Variants in ST6GALNAC4 observed in about 807,000 individuals in gnomAD.
ST6GALNAC4 encodes ST6 N-acetylgalactosaminide alpha-2,6-sialyltransferase 4.
A neutral mutation model predicts 30.4 loss-of-function variants in ST6GALNAC4; 24 were observed. The observed-to-expected ratio is 0.79, with a 90% CI of 0.57 to 1.11. The LOEUF (loss-of-function observed/expected upper bound fraction) is 1.11. ST6GALNAC4 is among the 50% of genes most tolerant of loss of function. The pLI is 0.00. For missense variants in ST6GALNAC4, 365 were observed against 430.1 expected (o/e 0.85, Z 1.34); for synonymous variants, 156 against 179.7 (o/e 0.87, Z 1.05).
intron 4 of ST6GALNAC4, among the ~76,000 whole-genome samples, 190 bp downstream of exon 4, chr9:127,912,078 G>C (rs1260386837): frequency 6.6e-6 from 1 of 152,182 alleles, no homozygotes; most frequent in Non-Finnish European, 1.5e-5. Context: ...TGGGATTCTA[G>C]ATCTGTGTGA....
rs753143885 is a variant in ST6GALNAC4 at position 127,908,396 on chromosome 9, T to A, written c.905A>T (p.Glu302Val). 6.5e-7 allele frequency: 1 copy of A among 1,547,462 alleles called. No homozygotes were observed. The highest frequency in any genetic ancestry group is 1.2e-5 in the South Asian group (1 of 83,062). Residue 302 changes from glutamate (E) to valine (V), a missense_variant, in exon 6 of 6, where the codon GAG becomes GTG. By Grantham distance (121) the Glu-to-Val change is moderately radical. Transcript: ENST00000335791. The stretch of plus-strand genomic sequence containing the variant: ...CGACTGGCAGGACGACGGAAGCTAC[T>A]CAGTCCTCCAGGACGGATGGGCGAA... Reference protein sequence around the residue: ...IVFAHPSWRTE With the variant: ...IVFAHPSWRTV
At chr9:127,909,839 C>G in intron 5 of ST6GALNAC4, 112 bp downstream of exon 5, 2 of 1,048,384 alleles carry the variant, frequency 1.9e-6, no homozygotes, top group East Asian at 2.6e-5. Flanking sequence ...GGTCACCCAC[C>G]ATGAAGCCCA....
intron 2 of ST6GALNAC4, 153 bp downstream of exon 2, chr9:127,916,255 G>T (rs1831192300): frequency 2.0e-6 from 2 of 977,054 alleles, no homozygotes; most frequent in African/African-American, 1.6e-5. Flanking sequence ...CGGTCTGCAA[G>T]AACAGGGTTG....
chr9:127,914,904 C>T (rs548321220), intron 2 of ST6GALNAC4, 63 bp from the exon 3 acceptor site: 33 of 1,383,168 alleles, frequency 2.4e-5, no homozygotes, highest in African/African-American at 1.6e-4. Context: ...GCCCCTTCAG[C>T]GCTGCACCTG....
chr9:127,910,066 T>TGGCGGGGG lies in ST6GALNAC4; in HGVS notation c.612-16_612-9dup. On this transcript the variant is annotated splice_polypyrimidine_tract_variant and intron_variant, in intron 4 of 5. Coordinates refer to ENST00000335791, the MANE Select transcript of ST6GALNAC4 (RefSeq NM_175039.4). ...AAGGAGCCCGACTGCCTCCTGGGGG[T>TGGCGGGGG]GGCGGGGGGACAGGGGGACGCTGTC... The TGGCGGGGG allele has an allele frequency of 6.2e-7, 1 of 1,611,580 alleles. No homozygotes were observed. The highest frequency in any genetic ancestry group is 8.5e-7 in the Non-Finnish European group (1 of 1,179,294).
chr9:127,909,314 G>A lies in ST6GALNAC4; in HGVS notation c.719+637C>T, dbSNP rs530869940. Among the ~76,000 whole-genome samples the A allele has an allele frequency of 1.8e-3, 272 of 151,192 alleles. 1 individual carries two copies. Among genetic ancestry groups the A allele is most frequent in the African/African-American group, 6.2e-3 (256 of 41,270 alleles). On this transcript the variant is annotated intron_variant, in intron 5 of 5. Transcript: ENST00000335791. ...TGAGGCAGGAGAATCGCTTGAACCCGGGAGGTGGAGGTTGCAGTGAGCCAA... is the reference window on the plus strand; with the variant it reads ...TGAGGCAGGAGAATCGCTTGAACCCAGGAGGTGGAGGTTGCAGTGAGCCAA...
Position 127,916,960 on chromosome 9 carries a change from C to G in ST6GALNAC4, c.-210G>C, listed in dbSNP as rs1177649028. 6.4e-6 allele frequency: 1 copy of G among 156,396 alleles called. No homozygotes were observed. Among genetic ancestry groups the G allele is most frequent in the Non-Finnish European group, 1.4e-5 (1 of 70,194 alleles). The allele number at this position is 156,396 out of a possible 1,614,324, so 9.7% of individuals were successfully genotyped here. A position where few individuals can be genotyped will look rare whatever the true frequency, so the allele number is the denominator to read the frequency against. On this transcript the variant is annotated 5_prime_UTR_variant, in exon 1 of 6. Transcript: ENST00000335791. ...TGCAGGCTGGGGTTCGCAGGAGGCT[C>G]GCGATCCGCCGCTCGGAGCTCCATG...
chr9:127,914,958 A>G, intron 2 of ST6GALNAC4, 117 bp from the exon 3 acceptor site: 13 of 937,022 alleles, frequency 1.4e-5, no homozygotes, highest in Non-Finnish European at 1.9e-5. Context: ...AGCAGCTCCT[A>G]GAACAGCAGC....
At position 127,912,472 on chromosome 9, in the gene ST6GALNAC4, T is replaced by A; in HGVS notation, c.407A>T (p.Tyr136Phe). 3 of 1,613,902 alleles carry A rather than the reference T, an allele frequency of 1.9e-6. No homozygotes were observed. The highest frequency in any genetic ancestry group is 2.5e-6 in the Non-Finnish European group (3 of 1,179,888). ...HTSVPLLLRN[Y>F]SHYFQKARDT... ...TCGGGCCTTCTGGAAGTAGTGTGAA[T>A]AGTTGCGCAGCAGCAGCGGCACGCT... The change falls in exon 4 of 6, where the codon TAT (tyrosine) becomes TTT (phenylalanine). Residue 136 changes from tyrosine (Y) to phenylalanine (F), a missense_variant. Coordinates refer to ENST00000335791, the MANE Select transcript of ST6GALNAC4 (RefSeq NM_175039.4).
rs1437214988 is a variant in ST6GALNAC4 at position 127,908,588 on chromosome 9, G to C, written c.720-7C>G. Reference sequence around the variant, plus strand: ...TGAGGGGTGGCTCTTCTCCCTGCGGGGTGGGGAACAGGGCTGGGGTGGGAC... The same window carrying C: ...TGAGGGGTGGCTCTTCTCCCTGCGGCGTGGGGAACAGGGCTGGGGTGGGAC... On this transcript the variant is annotated splice_region_variant and splice_polypyrimidine_tract_variant and intron_variant, in intron 5 of 5. Coordinates refer to ENST00000335791, the MANE Select transcript of ST6GALNAC4 (RefSeq NM_175039.4). The C allele has an allele frequency of 7.7e-6, 12 of 1,565,370 alleles. No individual in the cohort carries two copies. Among genetic ancestry groups the C allele is most frequent in the Non-Finnish European group, 1.0e-5 (12 of 1,146,058 alleles).
At chr9:127,911,479 T>C (rs1368890761) in intron 4 of ST6GALNAC4, among the ~76,000 whole-genome samples, 2 of 152,176 alleles carry the variant, frequency 1.3e-5, no homozygotes, top group South Asian at 2.1e-4. Flanking sequence ...GGGCTGTTAT[T>C]GCTCTGTTTT....
rs367617036 is a variant in ST6GALNAC4, at chr9:127,910,069, C to G, written c.612-11G>C. On this transcript the variant is annotated splice_polypyrimidine_tract_variant and intron_variant, in intron 4 of 5. Coordinates refer to ENST00000335791, the MANE Select transcript of ST6GALNAC4 (RefSeq NM_175039.4). The stretch of plus-strand genomic sequence containing the variant: ...GAGCCCGACTGCCTCCTGGGGGTGG[C>G]GGGGGGACAGGGGGACGCTGTCAAC... 3 of 1,610,678 alleles carry G rather than the reference C, an allele frequency of 1.9e-6. No homozygotes were observed. Among genetic ancestry groups the G allele is most frequent in the African/African-American group, 2.7e-5 (2 of 74,810 alleles).
chr9:127,913,657 G>A (rs1360100305), intron 3 of ST6GALNAC4, among the ~76,000 whole-genome samples: 6 of 151,982 alleles, frequency 3.9e-5, no homozygotes, highest in Admixed American at 1.3e-4. Flanking sequence ...GGCCGGGCAC[G>A]GTGGCTCACA....
Position 127,908,210 on chromosome 9 carries a change from A to G in ST6GALNAC4, c.*182T>C. ...CGGCTCCCCCCTCCACTCCCCTTCA[A>G]GTCATGAGGCCTGAGATGGCTCCAA... On this transcript the variant is annotated 3_prime_UTR_variant, in exon 6 of 6. Coordinates refer to ENST00000335791, the MANE Select transcript of ST6GALNAC4 (RefSeq NM_175039.4). The G allele has an allele frequency of 3.1e-6, 1 of 322,744 alleles. No individual in the cohort carries two copies. Among genetic ancestry groups the G allele is most frequent in the South Asian group, 1.1e-4 (1 of 8,946 alleles). 20.0% of individuals were successfully genotyped at this position (322,744 alleles called of 1,614,324 possible).
At chr9:127,908,626 C>G in intron 5 of ST6GALNAC4, 45 bp from the exon 6 acceptor site, 1 of 1,464,148 alleles carries the variant, frequency 6.8e-7, no homozygotes, top group Non-Finnish European at 9.1e-7. Flanking sequence ...AACCCACTCG[C>G]CTCCGGCCAC....
At position 127,912,526 on chromosome 9, in the gene ST6GALNAC4, C is replaced by T. The variant is rs1294543745; in HGVS notation, c.353G>A (p.Arg118His). 5.0e-6 allele frequency: 8 copies of T among 1,613,746 alleles called. No individual in the cohort carries two copies. The highest frequency in any genetic ancestry group is 1.6e-4 in the Middle Eastern group (1 of 6,062). ...GTGTGAGACGACACGCAGGGTGCTG[C>T]GCTGGCCCACATCCGCCTCAAAGCC... The part of the protein sequence containing the change: ...TVGFEADVGQ[R>H]STLRVVSHTS... Residue 118 changes from arginine to histidine, a missense_variant, in exon 4 of 6, where the codon CGC (arginine) becomes CAC (histidine). Transcript: ENST00000335791.
In ST6GALNAC4 at chr9:127,912,284, C is replaced by A. The variant is rs1186948776; in HGVS notation, c.595G>T (p.Glu199Ter). Reference sequence around the variant, plus strand: ...CAGGCTCACCGGTTCTTGCCCGTCTCGTCCTGGAAGATCTGGTCGCAGTAG... The same window carrying A: ...CAGGCTCACCGGTTCTTGCCCGTCTAGTCCTGGAAGATCTGGTCGCAGTAG... ...MAYCDQIFQD[E>*]TGKNRRQSGS... Residue 199 changes from glutamate to a stop codon, truncating the protein, a stop_gained, in exon 4 of 6, where the codon GAG becomes TAG. Coordinates refer to ENST00000335791, the MANE Select transcript of ST6GALNAC4 (RefSeq NM_175039.4). LOFTEE classifies it high-confidence loss of function. 6.2e-7 allele frequency: 1 copy of A among 1,610,598 alleles called. No homozygotes were observed. Among genetic ancestry groups the A allele is most frequent in the Non-Finnish European group, 8.5e-7 (1 of 1,177,894 alleles).
At chr9:127,912,035 T>A (rs1338314440) in intron 4 of ST6GALNAC4, among the ~76,000 whole-genome samples, 1 of 152,160 alleles carries the variant, frequency 6.6e-6, no homozygotes, top group African/African-American at 2.4e-5. Context: ...TCCCATCAGG[T>A]GCTCAAAAGG....
At chr9:127,910,083 G>T (rs929728136) in intron 4 of ST6GALNAC4, 25 bp from the exon 5 acceptor site, 4 of 1,610,430 alleles carry the variant, frequency 2.5e-6, no homozygotes, top group Non-Finnish European at 3.4e-6. Flanking sequence ...GGGACAGGGG[G>T]ACGCTGTCAA....
Sources: gnomAD v4.1 joint callset for allele counts (sites outside exome capture counted in the v4.1 genomes callset) on GRCh38, gnomAD v4.1.1 for gene constraint, MANE v1.5 for transcripts, NCBI Gene and HGNC (gene_info 2026-07-23, HGNC 2026-07-21) for gene names.